The following AFF2 variants were observed in gnomAD, a reference collection of about 807,000 sequenced individuals.
The protein encoded by AFF2 is AF4/FMR2 family member 2.
A neutral mutation model predicts 76.9 loss-of-function variants in AFF2; 14 were observed. The ratio of observed to expected loss-of-function variants is 0.18; its 90% CI spans 0.12 to 0.28. The LOEUF is 0.28. AFF2 is among the 10% of genes least tolerant of loss of function. The probability of loss-of-function intolerance (pLI) is 1.00; values close to 1 mark genes in which losing one functional copy is unlikely to be tolerated. For missense variants in AFF2, 868 were observed against 1,001.1 expected (o/e 0.87, Z 1.79); for synonymous variants, 398 against 366.7 (o/e 1.09, Z -0.98).
At chrX:148,832,801 T>G (rs1429727803) in intron 4 of AFF2, among the ~76,000 whole-genome samples, 1 of 111,732 alleles carries the variant, frequency 8.9e-6, no homozygotes, top group African/African-American at 3.3e-5. Context: ...GACAAGCAAC[T>G]TGACCAGGGC....
chrX:148,522,369 T>C (rs1426440372), intron 1 of AFF2, among the ~76,000 whole-genome samples: 1 of 112,608 alleles, frequency 8.9e-6, no homozygotes, highest in Non-Finnish European at 1.9e-5. Flanking sequence ...TTTCACATTA[T>C]ATGTGTATTT....
intron 1 of AFF2, among the ~76,000 whole-genome samples, chrX:148,594,409 G>A (rs1200337049): frequency 8.9e-6 from 1 of 112,043 alleles, no homozygotes; most frequent in African/African-American, 3.2e-5. Flanking sequence ...AAAGAGACGT[G>A]GTTGTCATAT....
chrX:148,799,371 A>G (rs2070027952), intron 3 of AFF2, among the ~76,000 whole-genome samples: 1 of 111,516 alleles, frequency 9.0e-6, no homozygotes, highest in Admixed American at 9.5e-5. Flanking sequence ...TAATCAAACT[A>G]TTACTCTGAC....
chrX:148,891,426 C>G (rs782613087), intron 8 of AFF2, among the ~76,000 whole-genome samples: 1 of 111,948 alleles, frequency 8.9e-6, no homozygotes, highest in South Asian at 3.8e-4. Flanking sequence ...AGACCTTGTG[C>G]TTCTCTTTCA....
chrX:148,916,884 A>C (rs374162861), intron 9 of AFF2, among the ~76,000 whole-genome samples: 287 of 112,279 alleles, frequency 2.6e-3, no homozygotes, highest in Non-Finnish European at 4.1e-3. Context: ...CTGTAACCCC[A>C]GCATCTCAAA....
At chrX:148,890,786 T>C (rs2071214177) in intron 8 of AFF2, among the ~76,000 whole-genome samples, 1 of 112,056 alleles carries the variant, frequency 8.9e-6, no homozygotes, top group African/African-American at 3.2e-5. Context: ...AGAGAAAGGC[T>C]TGAAGGCTCT....
In AFF2 at chrX:148,538,801, A is replaced by G. The variant is rs782502483; in HGVS notation, c.47+37657A>G. 2.7e-5 allele frequency among the ~76,000 whole-genome samples: 3 copies of G among 112,133 alleles called. No individual in the cohort carries two copies. The South Asian group carries it at 1.1e-3, about 42-fold the overall frequency. On this transcript the variant is annotated intron_variant, in intron 1 of 20. Transcript: ENST00000370460. ...ACTGAGGGCTCAGAGAGATTACTCA[A>G]GTCAGACAGCTAAGTAAATGACAGA... is the stretch of plus-strand genomic sequence containing the variant.
At chrX:148,678,680 A>G (rs1206122216) in intron 3 of AFF2, among the ~76,000 whole-genome samples, 1 of 112,152 alleles carries the variant, frequency 8.9e-6, no homozygotes, top group Non-Finnish European at 1.9e-5. Context: ...ACCCAAAGAT[A>G]CATATAAAAG....
At chrX:148,504,581 G>T (rs2052387313) in intron 1 of AFF2, among the ~76,000 whole-genome samples, 1 of 112,976 alleles carries the variant, frequency 8.9e-6, no homozygotes, top group African/African-American at 3.2e-5. Context: ...TATATAAATA[G>T]AAAGTTCAAA....
chrX:148,645,855 G>T (rs1603266555), intron 1 of AFF2, among the ~76,000 whole-genome samples: 1 of 111,912 alleles, frequency 8.9e-6, no homozygotes, highest in South Asian at 3.7e-4. Context: ...AGAGAATCCT[G>T]GTTAAATCAT....
intron 7 of AFF2, among the ~76,000 whole-genome samples, chrX:148,881,954 G>A (rs186415828): frequency 1.8e-5 from 2 of 110,907 alleles, no homozygotes; most frequent in Admixed American, 1.9e-4. Flanking sequence ...AAAAAAATCC[G>A]TTAGGAATTC....
chrX:148,842,857 TC>T, intron 5 of AFF2, 108 bp from the exon 6 acceptor site: 1 of 581,536 alleles, frequency 1.7e-6, no homozygotes, highest in Non-Finnish European at 2.6e-6. Context: ...AACAGCAGCT[TC>T]CTATTTGCAA....
intron 1 of AFF2, among the ~76,000 whole-genome samples, chrX:148,626,269 T>C (rs781958262): frequency 5.5e-5 from 6 of 109,918 alleles, no homozygotes; most frequent in Non-Finnish European, 1.1e-4. Flanking sequence ...AGACAGGCCT[T>C]CTGCTTGCCA....
chrX:148,662,822 T>C, intron 3 of AFF2, 54 bp downstream of exon 3: 1 of 1,110,093 alleles, frequency 9.0e-7, no homozygotes, highest in East Asian at 3.1e-5. Context: ...TTCTCTGCTC[T>C]AACCTCTATA....
At chrX:148,935,144 G>A (rs1830650592) in intron 9 of AFF2, among the ~76,000 whole-genome samples, 1 of 108,229 alleles carries the variant, frequency 9.2e-6, no homozygotes, top group African/African-American at 3.4e-5. Context: ...AGTTTTATTG[G>A]TATTATCATT....
At chrX:148,841,957 G>A (rs1170473262) in intron 5 of AFF2, among the ~76,000 whole-genome samples, 1 of 112,003 alleles carries the variant, frequency 8.9e-6, no homozygotes, top group Non-Finnish European at 1.9e-5. Flanking sequence ...ATACTAAATA[G>A]ATGGGAAATT....
At chrX:148,765,364 A>C (rs1256539818) in intron 3 of AFF2, among the ~76,000 whole-genome samples, 1 of 111,627 alleles carries the variant, frequency 9.0e-6, no homozygotes, top group Admixed American at 9.5e-5. Context: ...CATTAAATTC[A>C]TTCTGTCATA....
chrX:148,607,348 G>A (rs1795965878), intron 1 of AFF2, among the ~76,000 whole-genome samples: 1 of 111,211 alleles, frequency 9.0e-6, no homozygotes, highest in Non-Finnish European at 1.9e-5. Flanking sequence ...GAGGGACCCG[G>A]TTGGAGGTAA....
intron 3 of AFF2, among the ~76,000 whole-genome samples, chrX:148,730,692 C>G (rs1293349488): frequency 8.9e-6 from 1 of 112,654 alleles, no homozygotes; most frequent in East Asian, 2.8e-4. Context: ...ACTTACAAAA[C>G]AAAACACCCA....
Sources: gnomAD v4.1 joint callset for allele counts (sites outside exome capture counted in the v4.1 genomes callset) on GRCh38, gnomAD v4.1.1 for gene constraint, MANE v1.5 for transcripts, NCBI Gene and HGNC (gene_info 2026-07-23, HGNC 2026-07-21) for gene names.